CEP128: variants seen among roughly 807,000 people sequenced by gnomAD.
CEP128 encodes centrosomal protein 128kDa.
A neutral mutation model predicts 156.7 loss-of-function variants in CEP128; 132 were observed. That is an observed-to-expected ratio of 0.84 (90% CI 0.73 to 0.97). The LOEUF (loss-of-function observed/expected upper bound fraction) is 0.97. Ranked by LOEUF, CEP128 falls within the 50% of genes least tolerant of loss-of-function variation. The pLI is 0.00. For missense variants in CEP128, 1,252 were observed against 1,281.9 expected (o/e 0.98, Z 0.36); for synonymous variants, 469 against 448.9 (o/e 1.04, Z -0.57).
intron 19 of CEP128, chr14:80,742,748 A>G (rs1898896762): frequency 7.7e-6 from 2 of 260,694 alleles, no homozygotes; most frequent in Non-Finnish European, 1.5e-5. Flanking sequence ...TGGGCACAAA[A>G]TATGTATTGA....
At chr14:80,505,656 CT>C (rs1420148879) in intron 23 of CEP128, among the ~76,000 whole-genome samples, 2 of 152,134 alleles carry the variant, frequency 1.3e-5, no homozygotes, top group African/African-American at 4.8e-5. Context: ...GGTCCTTCTC[CT>C]CATGTATTAT....
intron 19 of CEP128, among the ~76,000 whole-genome samples, chr14:80,739,209 T>A (rs1217935997): frequency 1.3e-5 from 2 of 152,110 alleles, no homozygotes; most frequent in African/African-American, 4.8e-5. Flanking sequence ...TATATGTTCA[T>A]CCTTTTTTTT....
chr14:80,913,315 C>A (rs1045447615), intron 4 of CEP128, among the ~76,000 whole-genome samples: 1 of 152,088 alleles, frequency 6.6e-6, no homozygotes, highest in Non-Finnish European at 1.5e-5. Flanking sequence ...CTATGGAATA[C>A]GGTATAACTG....
chr14:80,505,234 A>G (rs546986479), intron 23 of CEP128, among the ~76,000 whole-genome samples: 1 of 152,362 alleles, frequency 6.6e-6, no homozygotes, highest in South Asian at 2.1e-4. Context: ...GCAACATGAC[A>G]TATTTCTTTC....
chr14:80,955,863 G>A (rs774476388), intron 2 of CEP128: 2 of 1,614,108 alleles, frequency 1.2e-6, no homozygotes, highest in East Asian at 2.2e-5. Context: ...GAGTACCCGG[G>A]AGAGATCAGG....
intron 21 of CEP128, among the ~76,000 whole-genome samples, chr14:80,541,027 G>C (rs1323092822): frequency 6.6e-6 from 1 of 152,112 alleles, no homozygotes; most frequent in Non-Finnish European, 1.5e-5. Flanking sequence ...TTCTGATTAA[G>C]GACAGGCAGC....
At chr14:80,717,347 A>G (rs1897644559) in intron 19 of CEP128, among the ~76,000 whole-genome samples, 2 of 152,234 alleles carry the variant, frequency 1.3e-5, no homozygotes, top group Admixed American at 1.3e-4. Context: ...GAAGGCTATA[A>G]CATTTAAAAC....
In CEP128 at chr14:80,778,061, A is replaced by T. The variant is rs1900895505; in HGVS notation, c.2212-15T>A. The T allele has an allele frequency of 6.2e-7, 1 of 1,609,162 alleles. No individual in the cohort carries two copies. Among genetic ancestry groups the T allele is most frequent in the Non-Finnish European group, 8.5e-7 (1 of 1,179,066 alleles). On this transcript the variant is annotated splice_polypyrimidine_tract_variant and intron_variant, in intron 15 of 24. Coordinates refer to ENST00000555265, the MANE Select transcript of CEP128 (RefSeq NM_152446.5). The stretch of plus-strand genomic sequence containing the variant: ...AAACTTTCAGCCTGAGAAAAAGAGA[A>T]GGAAAAAACAGAAAGTCCACTAGCC...
downstream of CEP128, among the ~76,000 whole-genome samples, chr14:80,496,043 G>A (rs1887482568): frequency 6.6e-6 from 1 of 152,128 alleles, no homozygotes; most frequent in South Asian, 2.1e-4. Context: ...AATTCCTGAA[G>A]TTAGACAGAA....
chr14:80,849,185 T>C (rs1886764063), intron 9 of CEP128, among the ~76,000 whole-genome samples: 1 of 151,912 alleles, frequency 6.6e-6, no homozygotes, highest in Non-Finnish European at 1.5e-5. Flanking sequence ...CATATAAAGG[T>C]TTTAAAATAT....
intron 13 of CEP128, among the ~76,000 whole-genome samples, chr14:80,822,271 C>A (rs1221433512): frequency 1.3e-5 from 2 of 152,164 alleles, no homozygotes; most frequent in Non-Finnish European, 2.9e-5. Context: ...CCCGTAAAAG[C>A]AAAAGCAAGT....
At chr14:80,663,532 C>T (rs760338008) in intron 19 of CEP128, among the ~76,000 whole-genome samples, 1 of 151,992 alleles carries the variant, frequency 6.6e-6, no homozygotes, top group South Asian at 2.1e-4. Flanking sequence ...AGCCACCTTC[C>T]GATAATAATA....
intron 19 of CEP128, among the ~76,000 whole-genome samples, chr14:80,635,497 T>C (rs1894144225): frequency 6.6e-6 from 1 of 152,222 alleles, no homozygotes; most frequent in Admixed American, 6.5e-5. Context: ...ATTTGTTAAC[T>C]TGTTATATAG....
intron 19 of CEP128, among the ~76,000 whole-genome samples, chr14:80,672,923 T>C (rs1176826335): frequency 6.6e-6 from 1 of 152,196 alleles, no homozygotes; most frequent in Non-Finnish European, 1.5e-5. Context: ...GACAATTTAA[T>C]TCCAATCTTT....
chr14:80,869,433 C>T (rs1004485656), intron 8 of CEP128, among the ~76,000 whole-genome samples: 1 of 151,832 alleles, frequency 6.6e-6, no homozygotes, highest in Admixed American at 6.6e-5. Flanking sequence ...TACACCAAAA[C>T]TTATGGGATG....
chr14:80,548,536 T>G (rs890074588), intron 21 of CEP128, among the ~76,000 whole-genome samples: 21 of 152,202 alleles, frequency 1.4e-4, no homozygotes, highest in Non-Finnish European at 1.5e-4. Flanking sequence ...TAGGCTCTCT[T>G]AAAGAGAGCA....
intron 13 of CEP128, among the ~76,000 whole-genome samples, chr14:80,819,364 A>G (rs1418747940): frequency 6.8e-6 from 1 of 146,814 alleles, no homozygotes; most frequent in Non-Finnish European, 1.5e-5. Context: ...CTCCTGCCTC[A>G]GCCTCCCGAG....
intron 9 of CEP128, among the ~76,000 whole-genome samples, chr14:80,861,176 A>C (rs1887495015): frequency 6.6e-6 from 1 of 152,082 alleles, no homozygotes. Flanking sequence ...CACTACTTAT[A>C]GTAGTAATTG....
At chr14:80,643,924 C>T (rs571883516) in intron 19 of CEP128, among the ~76,000 whole-genome samples, 1 of 152,190 alleles carries the variant, frequency 6.6e-6, no homozygotes, top group Admixed American at 6.5e-5. Context: ...TTGGAGATAG[C>T]GTGAGTCAAG....
Sources: allele counts gnomAD v4.1 joint callset (sites outside exome capture counted in the v4.1 genomes callset), GRCh38; gene constraint gnomAD v4.1.1; transcripts MANE v1.5; gene names NCBI Gene and HGNC (gene_info 2026-07-23, HGNC 2026-07-21).